Variants in NUBPL observed in about 807,000 individuals in gnomAD.
NUBPL encodes the protein iron-sulfur cluster transfer protein NUBPL.
NUBPL carries 31 observed loss-of-function variants against 45.7 expected under a neutral mutation model. The ratio of observed to expected loss-of-function variants is 0.68; its 90% CI spans 0.51 to 0.92. The LOEUF is 0.92. NUBPL is among the 40% of genes least tolerant of loss of function. NUBPL has a pLI of 0.00. For synonymous variants in NUBPL, 144 were observed against 140.9 expected (o/e 1.02, Z -0.15); for missense variants, 401 against 398.7 (o/e 1.01, Z -0.05).
At chr14:31,748,981 A>G (rs1196461660) in intron 6 of NUBPL, among the ~76,000 whole-genome samples, 1 of 152,052 alleles carries the variant, frequency 6.6e-6, no homozygotes, top group East Asian at 1.9e-4. Context: ...CTGTCTTGGA[A>G]TCTTTTTCAT....
At chr14:31,593,404 C>G (rs1270368090) in intron 3 of NUBPL, among the ~76,000 whole-genome samples, 1 of 150,792 alleles carries the variant, frequency 6.6e-6, no homozygotes, top group African/African-American at 2.4e-5. Context: ...GTCCCGGTTA[C>G]TCGGGAGGCT....
chr14:31,702,535 A>C (rs1205384411), intron 6 of NUBPL, among the ~76,000 whole-genome samples: 2 of 152,242 alleles, frequency 1.3e-5, no homozygotes, highest in Non-Finnish European at 2.9e-5. Context: ...TCTTTACAGA[A>C]ATAATGTGAA....
At chr14:31,818,952 T>A (rs1028639781) in intron 7 of NUBPL, among the ~76,000 whole-genome samples, 2 of 152,228 alleles carry the variant, frequency 1.3e-5, no homozygotes, top group African/African-American at 4.8e-5. Context: ...ATCACTTGTA[T>A]AGTCTGTTGG....
chr14:31,664,987 C>A (rs2036370000), intron 4 of NUBPL, among the ~76,000 whole-genome samples: 1 of 152,132 alleles, frequency 6.6e-6, no homozygotes, highest in Admixed American at 6.6e-5. Context: ...TGCATTTCTT[C>A]TAGATTTTCT....
chr14:31,799,096 A>G (rs568689589), intron 7 of NUBPL, among the ~76,000 whole-genome samples: 130 of 152,268 alleles, frequency 8.5e-4, no homozygotes, highest in African/African-American at 2.9e-3. Flanking sequence ...TATGTTGAGA[A>G]TAAAATCAGA....
intron 3 of NUBPL, among the ~76,000 whole-genome samples, chr14:31,579,791 T>A (rs993735139): frequency 9.9e-5 from 15 of 152,210 alleles, no homozygotes; most frequent in African/African-American, 3.4e-4. Flanking sequence ...TTCCCTTAAG[T>A]GGGGCACAGA....
rs186605301 is a variant in NUBPL at position 31,705,012 on chromosome 14, C to T, written c.513+31438C>T. The stretch of plus-strand genomic sequence containing the variant: ...CTTCAGGAGTGAAACTGCAGACCTT[C>T]GCGGTGAGTGTTACAGCTCTTAAAG... On this transcript the variant is annotated intron_variant, in intron 6 of 10. Transcript: ENST00000281081. Among the ~76,000 whole-genome samples, 1,088 of 152,148 alleles carry T rather than the reference C, an allele frequency of 7.2e-3. 17 individuals are homozygous for T. Among genetic ancestry groups the T allele is most frequent in the African/African-American group, 0.025 (1,033 of 41,522 alleles).
At chr14:31,576,342 G>C (rs907329994) in intron 3 of NUBPL, among the ~76,000 whole-genome samples, 1 of 152,082 alleles carries the variant, frequency 6.6e-6, no homozygotes, top group African/African-American at 2.4e-5. Context: ...GCTTACTGCA[G>C]CCTTGAACCC....
intron 3 of NUBPL, among the ~76,000 whole-genome samples, chr14:31,574,803 ACTC>A (rs2033679696): frequency 6.8e-6 from 1 of 146,888 alleles, no homozygotes; most frequent in Non-Finnish European, 1.5e-5. Flanking sequence ...CTGGTCTTGA[ACTC>A]CTGACCTCAG....
intron 7 of NUBPL, among the ~76,000 whole-genome samples, chr14:31,813,098 C>T (rs890517791): frequency 1.3e-5 from 2 of 151,126 alleles, no homozygotes; most frequent in Non-Finnish European, 2.9e-5. Flanking sequence ...ACGCCATTCT[C>T]GTTTCAGCCT....
chr14:31,826,621 T>C lies in NUBPL; in HGVS notation c.608-8T>C, dbSNP rs767337641. ...AAAGATAATAGTATTTTGTTTATCT[T>C]TGGCTAGGTGCTGTGATTGTCTCCA... On this transcript the variant is annotated splice_polypyrimidine_tract_variant and splice_region_variant and intron_variant, in intron 7 of 10. Coordinates refer to ENST00000281081, the MANE Select transcript of NUBPL (RefSeq NM_025152.3). 3 of 1,613,186 alleles carry C rather than the reference T, an allele frequency of 1.9e-6. No homozygotes were observed. Among genetic ancestry groups the C allele is most frequent in the Admixed American group, 1.7e-5 (1 of 60,028 alleles).
chr14:31,825,185 G>A (rs2040076889), intron 7 of NUBPL, among the ~76,000 whole-genome samples: 1 of 142,794 alleles, frequency 7.0e-6, no homozygotes, highest in South Asian at 2.4e-4. Context: ...TTTCCACAGT[G>A]TGAGTTTTTA....
chr14:31,664,247 C>T (rs138428656), intron 4 of NUBPL, among the ~76,000 whole-genome samples: 28 of 152,164 alleles, frequency 1.8e-4, no homozygotes, highest in East Asian at 1.2e-3. Flanking sequence ...GCTTGATTGC[C>T]GTGGCCAGAA....
intron 6 of NUBPL, among the ~76,000 whole-genome samples, chr14:31,706,352 G>T (rs4981885): frequency 0.3 from 45,929 of 152,028 alleles, 7,675 homozygotes; most frequent in South Asian, 0.41. Flanking sequence ...CTCATTTGGG[G>T]TTCCATTTGT....
intron 4 of NUBPL, among the ~76,000 whole-genome samples, chr14:31,617,716 G>C (rs1355070299): frequency 1.3e-5 from 2 of 152,080 alleles, no homozygotes; most frequent in Admixed American, 1.3e-4. Context: ...ATGTTCATCG[G>C]GGATATAGGC....
chr14:31,765,503 T>A (rs2038895779), intron 6 of NUBPL, among the ~76,000 whole-genome samples: 1 of 152,298 alleles, frequency 6.6e-6, no homozygotes, highest in Admixed American at 6.5e-5. Flanking sequence ...TTTTAGCTGG[T>A]GTTCTAGGTG....
chr14:31,640,699 C>G (rs1309840587), intron 4 of NUBPL, among the ~76,000 whole-genome samples: 2 of 150,406 alleles, frequency 1.3e-5, no homozygotes, highest in South Asian at 2.1e-4. Context: ...AAAATTTTAT[C>G]TGTTTATTAA....
intron 4 of NUBPL, among the ~76,000 whole-genome samples, chr14:31,665,661 G>A (rs565561482): frequency 7.9e-5 from 12 of 152,248 alleles, no homozygotes; most frequent in African/African-American, 2.6e-4. Context: ...TATGTGGTCA[G>A]TTTTAGAATA....
chr14:31,561,710 C>T (rs958703666), intron 1 of NUBPL, 163 bp downstream of exon 1: 1 of 553,708 alleles, frequency 1.8e-6, no homozygotes, highest in Non-Finnish European at 3.1e-6. Flanking sequence ...TGAGGCGTGG[C>T]GGGACTTGAA....
Sources: gnomAD v4.1 joint callset for allele counts (sites outside exome capture counted in the v4.1 genomes callset) on GRCh38, gnomAD v4.1.1 for gene constraint, MANE v1.5 for transcripts, NCBI Gene and HGNC (gene_info 2026-07-23, HGNC 2026-07-21) for gene names.